The following CPO variants were observed in gnomAD, a reference collection of about 807,000 sequenced individuals.
CPO encodes metallocarboxypeptidase C.
Under a neutral mutation model 41.2 loss-of-function variants are expected in CPO, and 43 were observed. The ratio of observed to expected loss-of-function variants is 1.04; its 90% CI spans 0.82 to 1.35. CPO has a LOEUF of 1.35. CPO is among the 40% of genes most tolerant of loss of function. The probability of loss-of-function intolerance (pLI) is 0.00; values close to 1 mark genes in which losing one functional copy is unlikely to be tolerated. For synonymous variants in CPO, 178 were observed against 162.7 expected (o/e 1.09, Z -0.72); for missense variants, 408 against 451.7 (o/e 0.90, Z 0.88).
At chr2:206,967,195 G>A (rs1693589793) in intron 7 of CPO, among the ~76,000 whole-genome samples, 1 of 152,004 alleles carries the variant, frequency 6.6e-6, no homozygotes, top group Non-Finnish European at 1.5e-5. Flanking sequence ...GCAAACCTAG[G>A]CGACATGCAA....
At chr2:206,953,326 G>A (rs545696609) in intron 2 of CPO, among the ~76,000 whole-genome samples, 2 of 152,300 alleles carry the variant, frequency 1.3e-5, no homozygotes, top group African/African-American at 4.8e-5. Flanking sequence ...AGATACAATG[G>A]GGGTACAGGC....
intron 1 of CPO, among the ~76,000 whole-genome samples, chr2:206,945,650 G>A (rs904702312): frequency 6.6e-6 from 1 of 152,180 alleles, no homozygotes; most frequent in Non-Finnish European, 1.5e-5. Context: ...CTGCATGAAT[G>A]TTTCTCTTAG....
At chr2:206,966,631 C>A (rs1693581437) in intron 7 of CPO, among the ~76,000 whole-genome samples, 1 of 152,154 alleles carries the variant, frequency 6.6e-6, no homozygotes, top group East Asian at 1.9e-4. Context: ...TATCTCAATT[C>A]TGGATAACAC....
chr2:206,955,446 C>T lies in CPO; in HGVS notation c.166-17C>T, dbSNP rs762209067. 4 of 1,463,620 alleles carry T rather than the reference C, an allele frequency of 2.7e-6. No homozygotes were observed. In the Admixed American group the frequency reaches 6.7e-5, roughly 24 times the overall value. The allele number at this position is 1,463,620 out of a possible 1,614,324, so 90.7% of individuals were successfully genotyped here. A position where few individuals can be genotyped will look rare whatever the true frequency, so the allele number is the denominator to read the frequency against. On this transcript the variant is annotated splice_polypyrimidine_tract_variant and intron_variant, in intron 2 of 8. Coordinates refer to ENST00000272852, the MANE Select transcript of CPO (RefSeq NM_173077.3). Reference sequence around the variant, plus strand: ...AATCTTCCTACTGATAGCCACAGTCCTCCCTTGCTGTTTCAGATCTATGAG... The same window carrying T: ...AATCTTCCTACTGATAGCCACAGTCTTCCCTTGCTGTTTCAGATCTATGAG...
intron 1 of CPO, among the ~76,000 whole-genome samples, chr2:206,944,480 T>A (rs1222064106): frequency 1.3e-5 from 2 of 152,024 alleles, no homozygotes; most frequent in African/African-American, 4.8e-5. Context: ...ATAAATAGAT[T>A]TGTGAATAAC....
At position 206,968,495 on chromosome 2, in the gene CPO, G is replaced by C. The variant is rs1693626374; in HGVS notation, c.862+148G>C. The C allele has an allele frequency of 6.3e-6, 4 of 635,068 alleles. No homozygotes were observed. In the South Asian group the frequency reaches 7.5e-5, roughly 12 times the overall value. The allele number at this position is 635,068 out of a possible 1,614,324, so 39.3% of individuals were successfully genotyped here. On this transcript the variant is annotated intron_variant, in intron 8 of 8. Transcript: ENST00000272852. ...AATCAAAATGACCAAGGATAAAAGG[G>C]AGTCTGTACAAATCCGGAATTATAC...
At chr2:206,946,055 A>G (rs1187692054) in intron 1 of CPO, among the ~76,000 whole-genome samples, 1 of 152,122 alleles carries the variant, frequency 6.6e-6, no homozygotes, top group Non-Finnish European at 1.5e-5. Context: ...TCTGCCAAAT[A>G]TTTAAGGAAA....
At chr2:206,965,150 G>T (rs1432062934) in intron 7 of CPO, among the ~76,000 whole-genome samples, 2 of 152,198 alleles carry the variant, frequency 1.3e-5, no homozygotes, top group Non-Finnish European at 2.9e-5. Flanking sequence ...ATCAAATTGA[G>T]AAAGATGGCT....
At chr2:206,950,526 C>CTAGT (rs1403817767) in intron 2 of CPO, among the ~76,000 whole-genome samples, 4 of 152,170 alleles carry the variant, frequency 2.6e-5, no homozygotes, top group African/African-American at 9.7e-5. Context: ...GTGGCGATTC[C>CTAGT]TCAAGGATCT....
At position 206,939,675 on chromosome 2, in the gene CPO, TA is replaced by T. The variant is rs749286509; in HGVS notation, c.68+11del. ...AGGGCTGGGATATGATAGGTGAGTG[TA>T]AAGTGGGAAGAGGAACTGATTATTA... On this transcript the variant is annotated intron_variant, in intron 1 of 8. Transcript: ENST00000272852. 2.7e-5 allele frequency: 44 copies of T among 1,607,606 alleles called. No homozygotes were observed. Among genetic ancestry groups the T allele is most frequent in the Non-Finnish European group, 3.4e-5 (40 of 1,174,862 alleles).
chr2:206,966,305 A>G (rs1452697730), intron 7 of CPO, among the ~76,000 whole-genome samples: 1 of 152,146 alleles, frequency 6.6e-6, no homozygotes, highest in Non-Finnish European at 1.5e-5. Context: ...ATATATCCCA[A>G]TGAAAGGTAA....
chr2:206,949,313 T>C (rs1197319240), intron 1 of CPO, among the ~76,000 whole-genome samples: 1 of 152,236 alleles, frequency 6.6e-6, no homozygotes, highest in Non-Finnish European at 1.5e-5. Context: ...TAAATCTTAG[T>C]TATTATTTCA....
At chr2:206,947,140 G>A (rs1422592704) in intron 1 of CPO, among the ~76,000 whole-genome samples, 1 of 152,062 alleles carries the variant, frequency 6.6e-6, no homozygotes, top group African/African-American at 2.4e-5. Context: ...GAAGAACAAA[G>A]TCAAAGGACT....
chr2:206,957,352 G>A (rs572899402), intron 3 of CPO, among the ~76,000 whole-genome samples: 1 of 150,954 alleles, frequency 6.6e-6, no homozygotes, highest in East Asian at 1.9e-4. Context: ...CTCCAGCCTG[G>A]GTGACAGAGC....
At chr2:206,962,714 T>G in intron 7 of CPO, 100 bp downstream of exon 7, 1 of 905,386 alleles carries the variant, frequency 1.1e-6, no homozygotes, top group Non-Finnish European at 1.8e-6. Context: ...AGCCACCCTT[T>G]TGTTCTCTCT....
chr2:206,949,562 C>G lies in CPO; in HGVS notation c.69-55C>G. On this transcript the variant is annotated intron_variant, in intron 1 of 8. Coordinates refer to ENST00000272852, the MANE Select transcript of CPO (RefSeq NM_173077.3). ...TACCTTTTTCAACAACCCGCCAACC[C>G]TCAGGATATCCCAGTTTCACCACTG... 1.5e-5 allele frequency: 20 copies of G among 1,322,078 alleles called. No individual in the cohort carries two copies. In the South Asian group the frequency reaches 1.9e-4, roughly 13 times the overall value. 81.9% of individuals were successfully genotyped at this position (1,322,078 alleles called of 1,614,324 possible).
intron 1 of CPO, among the ~76,000 whole-genome samples, chr2:206,948,212 T>C (rs745869400): frequency 1.3e-5 from 2 of 152,184 alleles, no homozygotes; most frequent in Admixed American, 1.3e-4. Context: ...AAATAAACTG[T>C]GGTATATCCA....
At chr2:206,951,736 A>G (rs1693268300) in intron 2 of CPO, among the ~76,000 whole-genome samples, 1 of 152,252 alleles carries the variant, frequency 6.6e-6, no homozygotes, top group African/African-American at 2.4e-5. Flanking sequence ...AAACTTTTTA[A>G]TCCTCAGCTT....
chr2:206,960,331 A>G (rs1348936134), intron 5 of CPO, among the ~76,000 whole-genome samples: 1 of 152,176 alleles, frequency 6.6e-6, no homozygotes, highest in Non-Finnish European at 1.5e-5. Flanking sequence ...TCTCTGGAAC[A>G]GCCTTTCTGG....
Sources: gnomAD v4.1 joint callset for allele counts (sites outside exome capture counted in the v4.1 genomes callset) on GRCh38, gnomAD v4.1.1 for gene constraint, MANE v1.5 for transcripts, NCBI Gene and HGNC (gene_info 2026-07-23, HGNC 2026-07-21) for gene names.